Variants in KCNT1 observed in about 807,000 individuals in gnomAD.
The protein encoded by KCNT1 is potassium sodium-activated channel subfamily T member 1, also known as potassium channel subfamily T member 1.
A neutral mutation model predicts 147.8 loss-of-function variants in KCNT1; 78 were observed. The ratio of observed to expected loss-of-function variants is 0.53; its 90% CI spans 0.44 to 0.64. The LOEUF (loss-of-function observed/expected upper bound fraction) is 0.64, where lower values mean the gene tolerates loss of function less well. Among genes scored for constraint, KCNT1 ranks in the 30% least tolerant of loss-of-function variants. The pLI is 0.00. For synonymous variants in KCNT1, 867 were observed against 748.8 expected, an observed-to-expected ratio of 1.16 and a Z score of -2.58; for missense variants, 1,419 against 1,750.3, an observed-to-expected ratio of 0.81 and a Z score of 3.38.
At chr9:135,785,243 A>C in intron 27 of KCNT1, 67 bp from the exon 28 acceptor site, 1 of 1,600,310 alleles carries the variant, frequency 6.2e-7, no homozygotes, top group South Asian at 1.1e-5. Context: ...TGCAGACCCC[A>C]GGCTGAGGCG....
At chr9:135,781,699 A>G (rs1833622127) in intron 24 of KCNT1, among the ~76,000 whole-genome samples, 1 of 152,230 alleles carries the variant, frequency 6.6e-6, no homozygotes, top group South Asian at 2.1e-4. Context: ...CATCTTCTAC[A>G]TCCAGGCCCA....
Position 135,772,759 on chromosome 9 carries a change from C to G in KCNT1, c.2053C>G (p.Gln685Glu). 1 of 1,472,676 alleles carries G rather than the reference C, an allele frequency of 6.8e-7. No homozygotes were observed. Among genetic ancestry groups the G allele is most frequent in the Non-Finnish European group, 9.0e-7 (1 of 1,109,138 alleles). 91.2% of individuals were successfully genotyped at this position (1,472,676 alleles called of 1,614,324 possible). ...DLQGTEHRPT[Q>E]SGGGGGGSKL... is the part of the protein sequence containing the mutation. ...GCAGGGCACAGAGCACCGGCCTACG[C>G]AGAGCGGCGGTGGGGGCGGGGGCAG... The change falls in exon 19 of 31, where the codon CAG becomes GAG. Residue 685 changes from glutamine to glutamate, a missense_variant. Around this residue, in one of 5 missense-constraint regions of KCNT1, gnomAD observed 284 missense variants for 292.8 expected, o/e 0.97. Coordinates refer to ENST00000371757, the MANE Select transcript of KCNT1 (RefSeq NM_020822.3).
intron 1 of KCNT1, among the ~76,000 whole-genome samples, chr9:135,703,405 T>C (rs1835115772): frequency 6.6e-6 from 1 of 152,178 alleles, no homozygotes; most frequent in African/African-American, 2.4e-5. Flanking sequence ...GCGGATGGTC[T>C]TTAAGGGCTG....
Position 135,706,011 on chromosome 9 carries a change from G to A in KCNT1, c.110+3643G>A, listed in dbSNP as rs141308525. 3.7e-4 allele frequency among the ~76,000 whole-genome samples: 57 copies of A among 152,280 alleles called. 1 individual carries two copies. In the East Asian group the frequency reaches 8.5e-3, roughly 23 times the overall value. The stretch of plus-strand genomic sequence containing the variant: ...GGGTCTGGACTGGCACAAGGCGGGC[G>A]CCCCGGGAGGAGCAGAGGGCCTGGA... On this transcript the variant is annotated intron_variant, in intron 1 of 30. Transcript: ENST00000371757.
intron 2 of KCNT1, among the ~76,000 whole-genome samples, chr9:135,731,958 G>GTATATATATATA (rs1564327715): frequency 8.4e-5 from 3 of 35,544 alleles, no homozygotes; most frequent in African/African-American, 9.7e-5. Context: ...TCAAATATGC[G>GTATATATATATA]TGTATATATA....
intron 2 of KCNT1, among the ~76,000 whole-genome samples, chr9:135,732,024 A>AGAGAGAGAGAGGGAGG (rs1554766184): frequency 3.4e-4 from 22 of 65,108 alleles, no homozygotes; most frequent in South Asian, 6.8e-4. Flanking sequence ...AGAGAGAGAG[A>AGAGAGAGAGAGGGAGG]GAGAGAGAGA....
intron 2 of KCNT1, among the ~76,000 whole-genome samples, chr9:135,737,376 A>G (rs533697467): frequency 3.5e-4 from 53 of 152,318 alleles, no homozygotes; most frequent in African/African-American, 1.3e-3. Flanking sequence ...GGTGGGACAC[A>G]GCACCCCCAT....
At chr9:135,770,239 G>A in intron 16 of KCNT1, 59 bp from the exon 17 acceptor site, 1 of 1,542,172 alleles carries the variant, frequency 6.5e-7, no homozygotes, top group Non-Finnish European at 8.8e-7. Flanking sequence ...GACCCAGCCG[G>A]GGAGAAGGGG....
chr9:135,709,881 A>G (rs1423805638), intron 1 of KCNT1, among the ~76,000 whole-genome samples: 3 of 152,184 alleles, frequency 2.0e-5, no homozygotes, highest in African/African-American at 7.2e-5. Flanking sequence ...GGGTTTCACC[A>G]TGTTAGCCAG....
Position 135,768,871 on chromosome 9 carries a change from GC to G in KCNT1, c.1449del (p.Asn484ThrfsTer36), listed in dbSNP as rs770640819. On this transcript the variant is annotated frameshift_variant, in exon 15 of 31. Coordinates refer to ENST00000371757, the MANE Select transcript of KCNT1 (RefSeq NM_020822.3). LOFTEE classifies it high-confidence loss of function. ...GCGCGCCTGGGCCGTGAAGGACTTC[GC>G]CCCCAACTGCCCCCTCTACGTCCAG... ...ILRAWAVKDFAPNCPLYVQIL... is the reference protein window; with the variant it reads ...ILRAWAVKDFXPNCPLYVQIL... 1 of 1,613,244 alleles carries G rather than the reference GC, an allele frequency of 6.2e-7. No homozygotes were observed. Among genetic ancestry groups the G allele is most frequent in the Non-Finnish European group, 8.5e-7 (1 of 1,179,908 alleles).
chr9:135,762,420 A>G (rs916400916), intron 11 of KCNT1, among the ~76,000 whole-genome samples: 1 of 152,018 alleles, frequency 6.6e-6, no homozygotes, highest in Non-Finnish European at 1.5e-5. Flanking sequence ...ACTCTAGCCT[A>G]TGCAACAGAG....
intron 29 of KCNT1, chr9:135,788,031 C>G (rs1834205585): frequency 7.9e-7 from 1 of 1,264,284 alleles, no homozygotes; most frequent in Admixed American, 1.7e-5. Flanking sequence ...TGCCGGCCGC[C>G]CGCACCTCGC....
intron 1 of KCNT1, among the ~76,000 whole-genome samples, chr9:135,704,922 G>A (rs577880780): frequency 3.6e-4 from 55 of 152,354 alleles, no homozygotes; most frequent in African/African-American, 1.2e-3. Flanking sequence ...GTCTGCTGTG[G>A]CCCAGGAGTG....
Position 135,786,539 on chromosome 9 carries a change from G to T in KCNT1, c.3502+18G>T. ...CGGCTACGGTAAGGGCACACGGCGC[G>T]GGTGGGGGCCGGACGGACGGACTGG... On this transcript the variant is annotated intron_variant, in intron 29 of 30. Transcript: ENST00000371757. 1 of 1,566,828 alleles carries T rather than the reference G, an allele frequency of 6.4e-7. No homozygotes were observed. Among genetic ancestry groups the T allele is most frequent in the Non-Finnish European group, 8.6e-7 (1 of 1,161,310 alleles).
chr9:135,742,813 A>T, intron 2 of KCNT1: 1 of 716,990 alleles, frequency 1.4e-6, no homozygotes, highest in Non-Finnish European at 2.6e-6. Flanking sequence ...TCCCTGTCTC[A>T]GTAAGTGCTT....
chr9:135,749,057 G>A (rs1281308538), intron 2 of KCNT1, among the ~76,000 whole-genome samples: 5 of 152,238 alleles, frequency 3.3e-5, no homozygotes, highest in Non-Finnish European at 7.3e-5. Context: ...GCCTGCTGCA[G>A]GAACCCTGGC....
At chr9:135,740,181 AC>A (rs1830503493) in intron 2 of KCNT1, among the ~76,000 whole-genome samples, 1 of 152,138 alleles carries the variant, frequency 6.6e-6, no homozygotes, top group South Asian at 2.1e-4. Flanking sequence ...TCGTCTCCAA[AC>A]ATAGCCACGT....
Position 135,720,665 on chromosome 9 carries a change from C to T in KCNT1, c.254+5945C>T, listed in dbSNP as rs150629749. ...GGGGGCGGGGGTCCTGCCTGTACCC[C>T]CAACCCCACCTGCTCTCTGAAGGCC... On this transcript the variant is annotated intron_variant, in intron 2 of 30. Coordinates refer to ENST00000371757, the MANE Select transcript of KCNT1 (RefSeq NM_020822.3). Among the ~76,000 whole-genome samples the T allele has an allele frequency of 4.5e-3, 687 of 152,294 alleles. 3 individuals are homozygous for T. The highest frequency in any genetic ancestry group is 0.014 in the African/African-American group (592 of 41,580).
chr9:135,763,704 C>G (rs950979287), intron 11 of KCNT1, among the ~76,000 whole-genome samples: 11 of 152,200 alleles, frequency 7.2e-5, no homozygotes, highest in African/African-American at 2.7e-4. Context: ...CCCACTCCAA[C>G]CCAGGGTGAC....
Sources: allele counts gnomAD v4.1 joint callset (sites outside exome capture counted in the v4.1 genomes callset), GRCh38; gene constraint gnomAD v4.1.1; regional missense constraint gnomAD v4.1.1; transcripts MANE v1.5; gene names NCBI Gene and HGNC (gene_info 2026-07-23, HGNC 2026-07-21).